The following NOS1AP variants were observed in gnomAD, a reference collection of about 807,000 sequenced individuals.
NOS1AP encodes nitric oxide synthase 1 adaptor protein, also known as carboxyl-terminal PDZ ligand of neuronal nitric oxide synthase protein.
Under a neutral mutation model 56.2 loss-of-function variants are expected in NOS1AP, and 21 were observed. The ratio of observed to expected loss-of-function variants is 0.37; its 90% CI spans 0.26 to 0.54. The LOEUF is 0.54. Among genes scored for constraint, NOS1AP ranks in the 20% least tolerant of loss-of-function variants. The probability of loss-of-function intolerance (pLI) is 0.84; values close to 1 mark genes in which losing one functional copy is unlikely to be tolerated. For synonymous variants in NOS1AP, 270 were observed against 274.6 expected (o/e 0.98, Z 0.17); for missense variants, 522 against 657.8 (o/e 0.79, Z 2.26).
At chr1:162,138,324 G>A (rs1393552167) in intron 1 of NOS1AP, among the ~76,000 whole-genome samples, 2 of 152,128 alleles carry the variant, frequency 1.3e-5, no homozygotes, top group Non-Finnish European at 2.9e-5. Flanking sequence ...GTTTCCCTTT[G>A]GCTTAGTTTT....
intron 3 of NOS1AP, among the ~76,000 whole-genome samples, chr1:162,296,828 C>T (rs1023956228): frequency 1.3e-5 from 2 of 152,152 alleles, no homozygotes; most frequent in Admixed American, 6.5e-5. Context: ...CATGAACTGG[C>T]GCCCGATGCA....
intron 2 of NOS1AP, among the ~76,000 whole-genome samples, chr1:162,186,609 C>T (rs1469670747): frequency 6.6e-6 from 1 of 152,028 alleles, no homozygotes; most frequent in Non-Finnish European, 1.5e-5. Context: ...GGGTGGGGCC[C>T]TCATGATGGG....
At chr1:162,093,823 G>T (rs1437974645) in intron 1 of NOS1AP, among the ~76,000 whole-genome samples, 1 of 152,146 alleles carries the variant, frequency 6.6e-6, no homozygotes. Context: ...AAAGTGTTGG[G>T]ATTACAGGCA....
chr1:162,070,327 G>T (rs775409457), intron 1 of NOS1AP, 45 bp downstream of exon 1: 2 of 1,534,306 alleles, frequency 1.3e-6, no homozygotes, highest in Non-Finnish European at 1.8e-6. Context: ...GGCGGTTGGG[G>T]GGGCATGTTT....
intron 2 of NOS1AP, among the ~76,000 whole-genome samples, chr1:162,196,906 T>C (rs1651824234): frequency 6.6e-6 from 1 of 152,228 alleles, no homozygotes; most frequent in Non-Finnish European, 1.5e-5. Flanking sequence ...TTTGTCCCTC[T>C]TCTCTTTTTC....
intron 1 of NOS1AP, among the ~76,000 whole-genome samples, chr1:162,147,392 C>T (rs1649519179): frequency 6.7e-6 from 1 of 149,084 alleles, no homozygotes. Context: ...AAGCACCTGA[C>T]ATAAACCTTG....
chr1:162,264,940 A>C (rs1056604824), intron 2 of NOS1AP, among the ~76,000 whole-genome samples: 3 of 151,420 alleles, frequency 2.0e-5, no homozygotes, highest in Non-Finnish European at 4.4e-5. Flanking sequence ...CAGCCTCCCG[A>C]GTAGCTGGGA....
chr1:162,313,346 C>A (rs1413644995), intron 4 of NOS1AP, among the ~76,000 whole-genome samples: 1 of 152,186 alleles, frequency 6.6e-6, no homozygotes, highest in African/African-American at 2.4e-5. Flanking sequence ...TGTCCGTTTT[C>A]TTTCTTCAAC....
chr1:162,360,649 T>C (rs1181638127), intron 8 of NOS1AP: 3 of 361,598 alleles, frequency 8.3e-6, no homozygotes, highest in African/African-American at 6.4e-5. Flanking sequence ...ATGCTGTAGT[T>C]AGAGGAACAG....
In NOS1AP at chr1:162,285,783, A is replaced by G. The variant is rs1286817060; in HGVS notation, c.178-1561A>G. ...TGCTCTTCTTCCAGGGCCCCTTGGT[A>G]AAAGAAGAGCTGCTGACAGGGTAGA... On this transcript the variant is annotated intron_variant, in intron 2 of 9. Coordinates refer to ENST00000361897, the MANE Select transcript of NOS1AP (RefSeq NM_014697.3). Among the ~76,000 whole-genome samples the G allele has an allele frequency of 2.6e-5, 4 of 152,246 alleles. No individual in the cohort carries two copies. In the East Asian group the frequency reaches 7.7e-4, roughly 29 times the overall value.
Position 162,125,130 on chromosome 1 carries a change from C to CTTTTTTTTTT in NOS1AP, c.106-29263_106-29254dup, listed in dbSNP as rs56264198. Among the ~76,000 whole-genome samples the CTTTTTTTTTT allele has an allele frequency of 3.2e-3, 403 of 124,086 alleles. 10 individuals carry two copies. Among genetic ancestry groups the CTTTTTTTTTT allele is most frequent in the African/African-American group, 0.012 (385 of 30,906 alleles). The allele number at this position is 124,086 out of a possible 152,430, so 81.4% of individuals were successfully genotyped here. A position where few individuals can be genotyped will look rare whatever the true frequency, so the allele number is the denominator to read the frequency against. On this transcript the variant is annotated intron_variant, in intron 1 of 9. Coordinates refer to ENST00000361897, the MANE Select transcript of NOS1AP (RefSeq NM_014697.3). ...ATGCCAACATCTATTGTTTCTGACT[C>CTTTTTTTTTT]TTTTTTTTTTTTTTTTTTTTTAAGA... is the stretch of plus-strand genomic sequence containing the variant.
At chr1:162,190,092 A>G (rs1252902892) in intron 2 of NOS1AP, among the ~76,000 whole-genome samples, 1 of 152,242 alleles carries the variant, frequency 6.6e-6, no homozygotes, top group Non-Finnish European at 1.5e-5. Context: ...AATTGATGCC[A>G]AGTGAGATTT....
At chr1:162,222,353 C>T (rs1372442141) in intron 2 of NOS1AP, among the ~76,000 whole-genome samples, 2 of 152,192 alleles carry the variant, frequency 1.3e-5, no homozygotes, top group African/African-American at 4.8e-5. Context: ...TCCTTGAGCA[C>T]AGGCAGTTGT....
intron 2 of NOS1AP, among the ~76,000 whole-genome samples, chr1:162,272,578 C>G (rs1654616798): frequency 6.6e-6 from 1 of 152,190 alleles, no homozygotes; most frequent in African/African-American, 2.4e-5. Context: ...TGGTGATCGC[C>G]TGATGATTTC....
intron 2 of NOS1AP, among the ~76,000 whole-genome samples, chr1:162,168,359 T>C (rs1261285788): frequency 1.3e-5 from 2 of 152,244 alleles, no homozygotes; most frequent in Non-Finnish European, 2.9e-5. Context: ...TGCTGTCCTG[T>C]TGAAGCTGGT....
At chr1:162,100,996 C>T (rs7355050) in intron 1 of NOS1AP, among the ~76,000 whole-genome samples, 17,643 of 152,164 alleles carry the variant, frequency 0.12, 2,276 homozygotes, top group African/African-American at 0.32. Flanking sequence ...GCCTTTTCAT[C>T]ATGAAACCTT....
chr1:162,091,297 G>A (rs978777720), intron 1 of NOS1AP, among the ~76,000 whole-genome samples: 2 of 152,018 alleles, frequency 1.3e-5, no homozygotes, highest in African/African-American at 4.8e-5. Context: ...CAGGTTCAGC[G>A]GCAGTTCTCC....
chr1:162,179,529 C>T (rs777490789), intron 2 of NOS1AP, among the ~76,000 whole-genome samples: 2 of 152,200 alleles, frequency 1.3e-5, no homozygotes, highest in Admixed American at 6.5e-5. Context: ...GTTGGGAAGA[C>T]GGACCTGGAA....
At chr1:162,211,809 C>G (rs911248527) in intron 2 of NOS1AP, among the ~76,000 whole-genome samples, 5 of 152,162 alleles carry the variant, frequency 3.3e-5, no homozygotes, top group African/African-American at 1.2e-4. Context: ...TCCAGGGTCT[C>G]TAGGTGTCCT....
Sources: gnomAD v4.1 joint callset for allele counts (sites outside exome capture counted in the v4.1 genomes callset) on GRCh38, gnomAD v4.1.1 for gene constraint, MANE v1.5 for transcripts, NCBI Gene and HGNC (gene_info 2026-07-23, HGNC 2026-07-21) for gene names.